The following SH3D19 variants were observed in gnomAD, a reference collection of about 807,000 sequenced individuals.
SH3D19 encodes SH3 domain containing 19, also known as SH3 domain-containing protein 19.
In SH3D19, 58 loss-of-function variants were observed where a neutral mutation model predicts 112.1. The observed-to-expected ratio is 0.52, with a 90% confidence interval of 0.42 to 0.64. The LOEUF (loss-of-function observed/expected upper bound fraction) is 0.64, where lower values mean the gene tolerates loss of function less well. Ranked by LOEUF, SH3D19 falls within the 30% of genes least tolerant of loss-of-function variation. The pLI, the probability that SH3D19 is intolerant of heterozygous loss-of-function variation, is 0.00. For missense variants in SH3D19, 1,090 were observed against 1,263.4 expected, an observed-to-expected ratio of 0.86 and a Z score of 2.08; for synonymous variants, 391 against 448.5, an observed-to-expected ratio of 0.87 and a Z score of 1.62.
chr4:151,275,592 G>A (rs1773533449), intron 1 of SH3D19, among the ~76,000 whole-genome samples: 1 of 152,026 alleles, frequency 6.6e-6, no homozygotes, highest in Non-Finnish European at 1.5e-5. Flanking sequence ...TACAGTCATA[G>A]CTCATGTAGC....
chr4:151,192,912 C>T (rs1762863332), intron 2 of SH3D19, among the ~76,000 whole-genome samples: 1 of 151,872 alleles, frequency 6.6e-6, no homozygotes, highest in Non-Finnish European at 1.5e-5. Context: ...TTTATAACTA[C>T]AGCCAGTTTA....
At chr4:151,127,504 T>A (rs1579623516) in intron 19 of SH3D19, 114 bp downstream of exon 19, 2 of 585,842 alleles carry the variant, frequency 3.4e-6, no homozygotes, top group Middle Eastern at 2.8e-4. Flanking sequence ...GGGCCTGAGA[T>A]CTCTTCATTC....
Position 151,149,539 on chromosome 4 carries a change from G to C in SH3D19, c.1778C>G (p.Thr593Arg). Residue 593 changes from threonine (T) to arginine (R), a missense_variant, in exon 10 of 20, where the codon ACA becomes AGA. Coordinates refer to ENST00000604030, the MANE Select transcript of SH3D19 (RefSeq NM_001378122.1). ...RNLESNHPGQ[T>R]GGFVRVPPRL... ...TGGGGGTACTCGCACAAAACCTCCT[G>C]TTTGACCTGGGTGGTTGGATTCCTG... The C allele has an allele frequency of 6.2e-7, 1 of 1,611,596 alleles. No homozygotes were observed. The highest frequency in any genetic ancestry group is 2.2e-5 in the East Asian group (1 of 44,794).
intron 9 of SH3D19, among the ~76,000 whole-genome samples, chr4:151,158,599 C>T (rs1393831462): frequency 6.6e-6 from 1 of 151,660 alleles, no homozygotes; most frequent in Non-Finnish European, 1.5e-5. Flanking sequence ...TGTGTCCAGC[C>T]ACCTTTATTC....
chr4:151,235,482 G>C (rs1353436827), intron 1 of SH3D19, among the ~76,000 whole-genome samples: 1 of 152,118 alleles, frequency 6.6e-6, no homozygotes, highest in African/African-American at 2.4e-5. Context: ...TAACTAATCT[G>C]AGGATAAAAC....
intron 1 of SH3D19, among the ~76,000 whole-genome samples, chr4:151,285,611 A>G (rs1277494062): frequency 3.3e-5 from 5 of 152,202 alleles, no homozygotes; most frequent in South Asian, 2.1e-4. Context: ...GTTAAACAAT[A>G]TATCTCAAAT....
At chr4:151,275,825 CTATTAT>C (rs1200765508) in intron 1 of SH3D19, among the ~76,000 whole-genome samples, 61 of 144,132 alleles carry the variant, frequency 4.2e-4, no homozygotes, top group South Asian at 4.4e-4. Flanking sequence ...CCAGCCACTT[CTATTAT>C]TATTATTATT....
chr4:151,244,061 C>T (rs951749349), intron 1 of SH3D19, among the ~76,000 whole-genome samples: 1 of 152,174 alleles, frequency 6.6e-6, no homozygotes, highest in African/African-American at 2.4e-5. Context: ...TGAGTTATTT[C>T]TGTGACTTGA....
At chr4:151,275,091 G>A (rs926429271) in intron 1 of SH3D19, among the ~76,000 whole-genome samples, 7 of 146,198 alleles carry the variant, frequency 4.8e-5, no homozygotes, top group Non-Finnish European at 9.0e-5. Flanking sequence ...TTCAAGATAC[G>A]TTTTTTTTTT....
intron 1 of SH3D19, among the ~76,000 whole-genome samples, chr4:151,285,092 C>T (rs1774619025): frequency 6.6e-6 from 1 of 152,020 alleles, no homozygotes; most frequent in Admixed American, 6.6e-5. Flanking sequence ...AGGGAAAAGC[C>T]ACTTTTTAAA....
intron 1 of SH3D19, among the ~76,000 whole-genome samples, chr4:151,276,272 C>T (rs920077697): frequency 6.6e-6 from 1 of 152,166 alleles, no homozygotes; most frequent in Non-Finnish European, 1.5e-5. Context: ...ACAATTGGCA[C>T]AGAAAACAAA....
At chr4:151,315,972 C>CT (rs1202660142) in intron 1 of SH3D19, among the ~76,000 whole-genome samples, 4 of 152,008 alleles carry the variant, frequency 2.6e-5, no homozygotes, top group Non-Finnish European at 5.9e-5. Flanking sequence ...AAAAAAATTT[C>CT]TTTTGAAGGA....
chr4:151,221,433 G>T (rs1185352430), intron 2 of SH3D19, among the ~76,000 whole-genome samples: 3 of 152,216 alleles, frequency 2.0e-5, no homozygotes, highest in Admixed American at 6.5e-5. Context: ...GATGGCAGGA[G>T]AACAGGTCAC....
At chr4:151,159,642 T>A (rs1356090428) in intron 8 of SH3D19, among the ~76,000 whole-genome samples, 2 of 152,242 alleles carry the variant, frequency 1.3e-5, no homozygotes, top group African/African-American at 4.8e-5. Context: ...AGGCTCTATA[T>A]TTACATACAT....
intron 1 of SH3D19, among the ~76,000 whole-genome samples, chr4:151,323,432 G>C (rs976389174): frequency 6.6e-6 from 1 of 152,170 alleles, no homozygotes; most frequent in East Asian, 1.9e-4. Flanking sequence ...AGCTTGGTAA[G>C]GAATGTGTTA....
intron 1 of SH3D19, among the ~76,000 whole-genome samples, chr4:151,268,984 T>C (rs868559046): frequency 0.03 from 4,595 of 152,256 alleles, 204 homozygotes; most frequent in African/African-American, 0.1. Context: ...TCAAATGGTA[T>C]TTCTAGTTCT....
At chr4:151,297,228 T>G (rs970381317) in intron 1 of SH3D19, among the ~76,000 whole-genome samples, 6 of 152,272 alleles carry the variant, frequency 3.9e-5, no homozygotes, top group Non-Finnish European at 7.3e-5. Context: ...ATGGAAATTC[T>G]ATTTGCCTTC....
Position 151,143,933 on chromosome 4 carries a change from C to A in SH3D19, c.2200G>T (p.Glu734Ter), listed in dbSNP as rs1260316048. The A allele has an allele frequency of 6.2e-7, 1 of 1,613,842 alleles. No homozygotes were observed. Among genetic ancestry groups the A allele is most frequent in the East Asian group, 2.2e-5 (1 of 44,884 alleles). Residue 734 changes from glutamate (E) to a stop codon, truncating the protein, a stop_gained, in exon 12 of 20, where the codon GAA becomes TAA. Coordinates refer to ENST00000604030, the MANE Select transcript of SH3D19 (RefSeq NM_001378122.1). LOFTEE classifies it high-confidence loss of function. ...SQMKIITPLD[E>*]HLRSRPNDPS... ...ACGTTTGGTCTGCTTCTAAGATGTTCATCAAGTGGAGTGATAATCTTCATT... is the reference window on the plus strand; with the variant it reads ...ACGTTTGGTCTGCTTCTAAGATGTTAATCAAGTGGAGTGATAATCTTCATT...
chr4:151,140,192 T>C (rs988341451), intron 12 of SH3D19: 9 of 187,330 alleles, frequency 4.8e-5, no homozygotes, highest in Admixed American at 4.1e-4. Context: ...TCTTTCCCTT[T>C]CAAGGATAGC....
Sources: gnomAD v4.1 joint callset for allele counts (sites outside exome capture counted in the v4.1 genomes callset) on GRCh38, gnomAD v4.1.1 for gene constraint, MANE v1.5 for transcripts, NCBI Gene and HGNC (gene_info 2026-07-23, HGNC 2026-07-21) for gene names.